CDK14: variants seen among roughly 807,000 people sequenced by gnomAD.
CDK14 encodes cyclin-dependent kinase 14.
CDK14 carries 34 observed loss-of-function variants against 60.7 expected under a neutral mutation model. The ratio of observed to expected loss-of-function variants is 0.56; its 90% CI spans 0.43 to 0.75. The LOEUF (loss-of-function observed/expected upper bound fraction) is 0.75. CDK14 is among the 30% of genes least tolerant of loss of function. The pLI is 0.00. For synonymous variants in CDK14, 197 were observed against 203.7 expected (o/e 0.97, Z 0.28); for missense variants, 482 against 564.1 (o/e 0.85, Z 1.47).
At chr7:90,684,002 T>C (rs1288116646) in intron 2 of CDK14, among the ~76,000 whole-genome samples, 1 of 151,984 alleles carries the variant, frequency 6.6e-6, no homozygotes, top group Non-Finnish European at 1.5e-5. Flanking sequence ...ATACATATTT[T>C]AAAACTGTGT....
At chr7:91,179,414 T>G (rs1801915573) in intron 14 of CDK14, among the ~76,000 whole-genome samples, 6 of 145,134 alleles carry the variant, frequency 4.1e-5, no homozygotes, top group African/African-American at 5.1e-5. Flanking sequence ...AGATGACGAG[T>G]TAGTGGGTGC....
chr7:91,061,857 T>G (rs937121620), intron 11 of CDK14, among the ~76,000 whole-genome samples: 1 of 152,228 alleles, frequency 6.6e-6, no homozygotes, highest in African/African-American at 2.4e-5. Flanking sequence ...AGGGACCCAC[T>G]TGAGGAGGCA....
chr7:90,989,269 C>T (rs1488592268), intron 10 of CDK14, among the ~76,000 whole-genome samples: 1 of 152,096 alleles, frequency 6.6e-6, no homozygotes, highest in East Asian at 1.9e-4. Flanking sequence ...AAGCTGATAT[C>T]ACCTCCTTGA....
intron 14 of CDK14, among the ~76,000 whole-genome samples, chr7:91,120,866 A>C (rs1799763522): frequency 6.6e-6 from 1 of 152,098 alleles, no homozygotes; most frequent in Non-Finnish European, 1.5e-5. Flanking sequence ...TTGTTGGTGT[A>C]GTTTTCTTCC....
intron 5 of CDK14, among the ~76,000 whole-genome samples, chr7:90,854,768 A>C (rs1584048905): frequency 6.6e-6 from 1 of 152,128 alleles, no homozygotes; most frequent in South Asian, 2.1e-4. Context: ...CGGCTTTTAA[A>C]CCTAGTTTTT....
chr7:90,671,224 C>G (rs1801092156), intron 2 of CDK14, among the ~76,000 whole-genome samples: 1 of 152,034 alleles, frequency 6.6e-6, no homozygotes, highest in South Asian at 2.1e-4. Flanking sequence ...TTCAGGATTT[C>G]CACCATACTG....
At chr7:90,965,049 C>T (rs1454463694) in intron 9 of CDK14, among the ~76,000 whole-genome samples, 1 of 152,060 alleles carries the variant, frequency 6.6e-6, no homozygotes, top group East Asian at 1.9e-4. Flanking sequence ...ACTTTTTTTA[C>T]GTCTCCTTTC....
At chr7:91,075,129 T>C (rs781622623) in intron 11 of CDK14, among the ~76,000 whole-genome samples, 14 of 152,166 alleles carry the variant, frequency 9.2e-5, no homozygotes, top group Non-Finnish European at 1.9e-4. Context: ...GACTCCTTCC[T>C]AACACATTTT....
intron 6 of CDK14, among the ~76,000 whole-genome samples, chr7:90,878,424 T>C (rs1442255790): frequency 6.6e-6 from 1 of 152,168 alleles, no homozygotes; most frequent in Non-Finnish European, 1.5e-5. Context: ...GCCACAGATT[T>C]ATTTGTCAGC....
At chr7:90,997,249 A>G (rs1795712760) in intron 10 of CDK14, among the ~76,000 whole-genome samples, 1 of 152,210 alleles carries the variant, frequency 6.6e-6, no homozygotes, top group Non-Finnish European at 1.5e-5. Flanking sequence ...TAAGAATATA[A>G]GGACTACTTT....
At chr7:90,671,102 ATGGCT>A (rs972487041) in intron 2 of CDK14, among the ~76,000 whole-genome samples, 5 of 152,082 alleles carry the variant, frequency 3.3e-5, no homozygotes, top group Admixed American at 3.3e-4. Flanking sequence ...CTCTCCTGGA[ATGGCT>A]AGTTAGATGG....
At chr7:90,751,496 G>A (rs529916056) in intron 4 of CDK14, among the ~76,000 whole-genome samples, 1 of 152,078 alleles carries the variant, frequency 6.6e-6, no homozygotes, top group East Asian at 1.9e-4. Context: ...CACTAGATCA[G>A]CCTTACAAGA....
chr7:90,984,732 G>C (rs1265643041), intron 10 of CDK14, among the ~76,000 whole-genome samples: 1 of 152,140 alleles, frequency 6.6e-6, no homozygotes, highest in Non-Finnish European at 1.5e-5. Context: ...TCATGTTAGT[G>C]GGCTGTACCC....
At chr7:90,632,788 T>A (rs1800032396) in intron 2 of CDK14, among the ~76,000 whole-genome samples, 1 of 152,192 alleles carries the variant, frequency 6.6e-6, no homozygotes, top group Non-Finnish European at 1.5e-5. Flanking sequence ...CTAGAAACAT[T>A]GTGAAAATTT....
chr7:91,147,728 CT>C (rs1224981060), intron 14 of CDK14, among the ~76,000 whole-genome samples: 2 of 152,162 alleles, frequency 1.3e-5, no homozygotes, highest in African/African-American at 4.8e-5. Flanking sequence ...TCAAACCAAA[CT>C]CTTTCCCCCC....
At chr7:91,194,142 T>A (rs1245665837) in intron 14 of CDK14, among the ~76,000 whole-genome samples, 1 of 152,178 alleles carries the variant, frequency 6.6e-6, no homozygotes, top group East Asian at 1.9e-4. Context: ...TGGTAGAATT[T>A]CTTTTAATAA....
chr7:90,762,865 T>C (rs1192431043), intron 4 of CDK14, among the ~76,000 whole-genome samples: 1 of 152,090 alleles, frequency 6.6e-6, no homozygotes, highest in Non-Finnish European at 1.5e-5. Flanking sequence ...CACATGTACC[T>C]GTAATCCCAG....
chr7:90,785,870 C>G lies in CDK14; in HGVS notation c.465-4703C>G, dbSNP rs375172281. 4.0e-5 allele frequency among the ~76,000 whole-genome samples: 6 copies of G among 151,648 alleles called. No individual in the cohort carries two copies. The East Asian group carries it at 9.7e-4, about 24-fold the overall frequency. On this transcript the variant is annotated intron_variant, in intron 4 of 14. Coordinates refer to ENST00000380050, the MANE Select transcript of CDK14 (RefSeq NM_001287135.2). The stretch of plus-strand genomic sequence containing the variant: ...ATTTTATATTTACAAATTTAGGGCA[C>G]ACAGATGTGTGGACAGAGTTTCTGA...
intron 7 of CDK14, 62 bp downstream of exon 7, chr7:90,899,415 G>A: frequency 8.0e-7 from 1 of 1,252,556 alleles, no homozygotes; most frequent in Non-Finnish European, 1.1e-6. Flanking sequence ...TTGAACTGAA[G>A]TCTAGCATCT....
Sources: allele counts gnomAD v4.1 joint callset (sites outside exome capture counted in the v4.1 genomes callset), GRCh38; gene constraint gnomAD v4.1.1; transcripts MANE v1.5; gene names NCBI Gene and HGNC (gene_info 2026-07-23, HGNC 2026-07-21).